The following PKD1L3 variants were observed in gnomAD, a reference collection of about 807,000 sequenced individuals.
The protein encoded by PKD1L3 is polycystin 1 like 3, transient receptor potential channel interacting.
PKD1L3 carries 239 observed loss-of-function variants against 184.1 expected under a neutral mutation model. That is an observed-to-expected ratio of 1.30 (90% CI 1.17 to 1.45). The LOEUF is 1.45. Ranked by LOEUF, PKD1L3 falls within the 40% of genes most tolerant of loss-of-function variation. The pLI, the probability that PKD1L3 is intolerant of heterozygous loss-of-function variation, is 0.00. For synonymous variants in PKD1L3, 996 were observed against 778.8 expected, an observed-to-expected ratio of 1.28 and a Z score of -4.64; for missense variants, 2,660 against 2,067.2, an observed-to-expected ratio of 1.29 and a Z score of -5.56.
chr16:71,939,879 T>G (rs545906859), intron 24 of PKD1L3, among the ~76,000 whole-genome samples: 4 of 151,986 alleles, frequency 2.6e-5, no homozygotes, highest in African/African-American at 9.7e-5. Context: ...AAGTAAAAAC[T>G]TCAATAGATG....
chr16:71,965,132 G>C (rs534838850), intron 15 of PKD1L3, among the ~76,000 whole-genome samples: 2 of 152,290 alleles, frequency 1.3e-5, no homozygotes, highest in East Asian at 3.9e-4. Flanking sequence ...AGAGGTGTGA[G>C]CCACTGTGTC....
intron 12 of PKD1L3, among the ~76,000 whole-genome samples, chr16:71,972,228 A>C: frequency 6.7e-6 from 1 of 148,434 alleles, no homozygotes; most frequent in East Asian, 2.0e-4. Flanking sequence ...AAAACACACA[A>C]AAAAACAAAA....
chr16:71,985,730 C>T (rs1361362059), intron 5 of PKD1L3, among the ~76,000 whole-genome samples: 1 of 152,168 alleles, frequency 6.6e-6, no homozygotes, highest in Admixed American at 6.6e-5. Context: ...CTGTGCCTGG[C>T]TAATTTTTTT....
chr16:71,943,494 C>A (rs1229030771), intron 23 of PKD1L3, among the ~76,000 whole-genome samples: 2 of 140,104 alleles, frequency 1.4e-5, no homozygotes, highest in Non-Finnish European at 3.0e-5. Context: ...GCTGACATTG[C>A]ACCACTGCAC....
chr16:71,981,810 G>A (rs2040169007), intron 7 of PKD1L3, among the ~76,000 whole-genome samples: 1 of 152,012 alleles, frequency 6.6e-6, no homozygotes, highest in Admixed American at 6.6e-5. Flanking sequence ...CAAAGTGCTG[G>A]GATTACAGGT....
In PKD1L3 at chr16:71,967,331, G is replaced by A. The variant is rs564195756; in HGVS notation, c.2287-16C>T. 2.3e-5 allele frequency: 35 copies of A among 1,541,446 alleles called. No homozygotes were observed. The South Asian group carries it at 3.5e-4, about 16-fold the overall frequency. On this transcript the variant is annotated splice_polypyrimidine_tract_variant and intron_variant, in intron 14 of 29. Transcript: ENST00000620267. ...TGATGACAACCTACAATGAGACAGG[G>A]AAAGATAAAATATAAGGAATTTTAA...
chr16:71,988,676 T>C (rs1355062920), intron 4 of PKD1L3, among the ~76,000 whole-genome samples: 1 of 152,192 alleles, frequency 6.6e-6, no homozygotes, highest in Non-Finnish European at 1.5e-5. Flanking sequence ...ACCTCCATTC[T>C]CTTAGGGCTC....
intron 9 of PKD1L3, among the ~76,000 whole-genome samples, 157 bp from the exon 10 acceptor site, chr16:71,978,540 TAC>T (rs10579949): frequency 0.37 from 41,250 of 110,492 alleles, 7,905 homozygotes; most frequent in African/African-American, 0.41. Flanking sequence ...CATACATACA[TAC>T]TTTTTTTTTT....
intron 16 of PKD1L3, among the ~76,000 whole-genome samples, chr16:71,955,602 C>T (rs2039014803): frequency 6.6e-6 from 1 of 151,986 alleles, no homozygotes. Context: ...AAGTGATCCT[C>T]CCACCTCAGT....
intron 11 of PKD1L3, among the ~76,000 whole-genome samples, chr16:71,974,834 T>C (rs570124948): frequency 3.3e-5 from 5 of 152,332 alleles, no homozygotes; most frequent in Non-Finnish European, 7.4e-5. Context: ...TGATTGTTCC[T>C]GTGTGAGTGG....
At chr16:71,956,478 C>T (rs1190436534) in intron 16 of PKD1L3, among the ~76,000 whole-genome samples, 2 of 152,076 alleles carry the variant, frequency 1.3e-5, no homozygotes, top group Non-Finnish European at 2.9e-5. Context: ...CAGGTGTGAG[C>T]CACCGCACCC....
rs886889948 is a variant in PKD1L3 at position 71,967,267 on chromosome 16, G to C, written c.2335C>G (p.Leu779Val). The change falls in exon 15 of 30, where the codon CTC becomes GTC. Residue 779 changes from leucine to valine, a missense_variant. Transcript: ENST00000620267. ...GSEGRSEPHH[L>V]CDPQKTVFER... ...AAGACTGTCTTCTGGGGGTCACAGA[G>C]GTGATGGGGCTCACTCCGTCCCTCT... is the stretch of plus-strand genomic sequence containing the variant. The C allele has an allele frequency of 1.3e-6, 2 of 1,551,556 alleles. No homozygotes were observed. Among genetic ancestry groups the C allele is most frequent in the African/African-American group, 2.7e-5 (2 of 73,052 alleles).
chr16:71,939,855 A>T (rs1027682816), intron 24 of PKD1L3, among the ~76,000 whole-genome samples: 2 of 152,202 alleles, frequency 1.3e-5, no homozygotes, highest in Non-Finnish European at 1.5e-5. Context: ...CACTATAATG[A>T]AAGTGACAGG....
chr16:71,951,815 G>A (rs2038845682), intron 18 of PKD1L3, 71 bp from the exon 19 acceptor site: 1 of 1,371,640 alleles, frequency 7.3e-7, no homozygotes, highest in African/African-American at 1.5e-5. Context: ...AATTACAGGT[G>A]GTAAGGCCGT....
At chr16:71,929,789 T>A (rs1396543433) in intron 29 of PKD1L3, 111 bp from the exon 30 acceptor site, 3 of 1,150,818 alleles carry the variant, frequency 2.6e-6, no homozygotes, top group Non-Finnish European at 3.6e-6. Context: ...AAAGATACTA[T>A]TTCTTTAATA....
chr16:71,943,550 A>C (rs1001856570), intron 23 of PKD1L3, among the ~76,000 whole-genome samples: 2 of 151,724 alleles, frequency 1.3e-5, no homozygotes, highest in African/African-American at 2.4e-5. Flanking sequence ...AAAAAAAAAA[A>C]AAAAAAAACA....
rs375041940 is a variant in PKD1L3 at position 71,975,577 on chromosome 16, CCTTA to C, written c.1759+1655_1759+1658del. Reference sequence around the variant, plus strand: ...TATATTTAACTCATGGTGCTGTGAGCCTTACTTCTGCTGTGGGTCTCAACATGTT... The same window carrying C: ...TATATTTAACTCATGGTGCTGTGAGCCTTCTGCTGTGGGTCTCAACATGTT... On this transcript the variant is annotated intron_variant, in intron 11 of 29. Coordinates refer to ENST00000620267, the MANE Select transcript of PKD1L3 (RefSeq NM_181536.2). Among the ~76,000 whole-genome samples, 666 of 152,160 alleles carry C rather than the reference CCTTA, an allele frequency of 4.4e-3. 3 individuals carry two copies. Among genetic ancestry groups the C allele is most frequent in the Middle Eastern group, 0.031 (9 of 294 alleles).
At position 71,953,080 on chromosome 16, in the gene PKD1L3, A is replaced by G. The variant is rs2038910724; in HGVS notation, c.2823T>C (p.Ala941=). Residue 941 remains alanine, a synonymous_variant, in exon 18 of 30, where the codon GCT becomes GCC. Coordinates refer to ENST00000620267, the MANE Select transcript of PKD1L3 (RefSeq NM_181536.2). The part of the protein sequence containing the change: ...AKRDEQMRPF[A]VAWSELLVSI... ...TGACCAGCAGTTCAGACCAGGCCAC[A>G]GCAAATGGACGCACTGAAAGAAAAG... 9 of 1,470,134 alleles carry G rather than the reference A, an allele frequency of 6.1e-6. No individual in the cohort carries two copies. The highest frequency in any genetic ancestry group is 8.1e-6 in the Non-Finnish European group (9 of 1,112,404). The allele number at this position is 1,470,134 out of a possible 1,614,324, so 91.1% of individuals were successfully genotyped here.
At chr16:71,945,639 C>G (rs1344654400) in intron 22 of PKD1L3, among the ~76,000 whole-genome samples, 1 of 151,578 alleles carries the variant, frequency 6.6e-6, no homozygotes, top group Non-Finnish European at 1.5e-5. Flanking sequence ...GATTGTGCCA[C>G]TGCACTCCAA....
Sources: allele counts gnomAD v4.1 joint callset (sites outside exome capture counted in the v4.1 genomes callset), GRCh38; gene constraint gnomAD v4.1.1; transcripts MANE v1.5; gene names NCBI Gene and HGNC (gene_info 2026-07-23, HGNC 2026-07-21).